Variants in VSTM2A observed in about 807,000 individuals in gnomAD.
VSTM2A encodes the protein V-set and transmembrane domain containing 2A.
A neutral mutation model predicts 27.3 loss-of-function variants in VSTM2A; 13 were observed. The ratio of observed to expected loss-of-function variants is 0.48; its 90% CI spans 0.31 to 0.76. The LOEUF (loss-of-function observed/expected upper bound fraction) is 0.76, where lower values mean the gene tolerates loss of function less well. Ranked by LOEUF, VSTM2A falls within the 30% of genes least tolerant of loss-of-function variation. The pLI, the probability that VSTM2A is intolerant of heterozygous loss-of-function variation, is 0.05. For synonymous variants in VSTM2A, 142 were observed against 125.7 expected, an observed-to-expected ratio of 1.13 and a Z score of -0.87; for missense variants, 280 against 310.0, an observed-to-expected ratio of 0.90 and a Z score of 0.73.
At chr7:54,550,523 T>C in intron 4 of VSTM2A, 1 of 391,690 alleles carries the variant, frequency 2.6e-6, no homozygotes, top group Non-Finnish European at 4.4e-6. Context: ...GTATCGATAA[T>C]GACCCAAATT....
In VSTM2A at chr7:54,547,089, G is replaced by T. The variant is rs1042569641; in HGVS notation, c.297+92G>T. The T allele has an allele frequency of 2.1e-6, 3 of 1,410,084 alleles. No individual in the cohort carries two copies. The East Asian group carries it at 8.1e-5, about 38-fold the overall frequency. The allele number at this position is 1,410,084 out of a possible 1,614,324, so 87.3% of individuals were successfully genotyped here. ...AGAAGGCGGCTTGCCAGCGCTGCAG[G>T]ACAGCCGGACAGCCGGGTGCCCCTT... is the stretch of plus-strand genomic sequence containing the variant. On this transcript the variant is annotated intron_variant, in intron 3 of 4. Coordinates refer to ENST00000402613, the MANE Select transcript of VSTM2A (RefSeq NM_001301009.2).
chr7:54,566,645 C>T (rs1788732910), intron 4 of VSTM2A, among the ~76,000 whole-genome samples: 1 of 152,164 alleles, frequency 6.6e-6, no homozygotes, highest in South Asian at 2.1e-4. Flanking sequence ...ACAAAATAGG[C>T]AATCCTATCA....
chr7:54,563,955 G>A lies in VSTM2A; in HGVS notation c.635-5176G>A, dbSNP rs527795382. Among the ~76,000 whole-genome samples the A allele has an allele frequency of 2.6e-5, 4 of 152,276 alleles. No individual in the cohort carries two copies. In the South Asian group the frequency reaches 6.2e-4, roughly 24 times the overall value. ...ATGGGATAAAATCATTCTATTATTTGACCTTTCCCCTTAAACAGTGATTTA... is the reference window on the plus strand; with the variant it reads ...ATGGGATAAAATCATTCTATTATTTAACCTTTCCCCTTAAACAGTGATTTA... On this transcript the variant is annotated intron_variant, in intron 4 of 4. Coordinates refer to ENST00000402613, the MANE Select transcript of VSTM2A (RefSeq NM_001301009.2).
chr7:54,546,839 C>CCTGGTCGCTCCCCTGTCCA, intron 2 of VSTM2A, 108 bp from the exon 3 acceptor site: 1 of 1,478,604 alleles, frequency 6.8e-7, no homozygotes. Context: ...TCCCCTGTCC[C>CCTGGTCGCTCCCCTGTCCA]CAGGTCACCC....
At position 54,561,658 on chromosome 7, in the gene VSTM2A, C is replaced by T. The variant is rs528400274; in HGVS notation, c.635-7473C>T. ...TTAATGCTGATAGCTAAGAAGATAA[C>T]TTCTACTAATGAAGATAATTAATAA... On this transcript the variant is annotated intron_variant, in intron 4 of 4. Transcript: ENST00000402613. Among the ~76,000 whole-genome samples the T allele has an allele frequency of 2.0e-5, 3 of 152,190 alleles. No homozygotes were observed. The South Asian group carries it at 6.2e-4, about 32-fold the overall frequency.
intron 3 of VSTM2A, 25 bp downstream of exon 3, chr7:54,547,022 C>A (rs1431977163): frequency 6.4e-7 from 1 of 1,568,668 alleles, no homozygotes. Context: ...CGCCAAGGGC[C>A]GCGGGCCCAG....
intron 3 of VSTM2A, among the ~76,000 whole-genome samples, chr7:54,549,337 T>C (rs1012864549): frequency 6.6e-6 from 1 of 152,202 alleles, no homozygotes; most frequent in Non-Finnish European, 1.5e-5. Flanking sequence ...TAATAGCACC[T>C]TTAGTAGTCA....
At chr7:54,554,162 G>C in intron 4 of VSTM2A, 1 of 1,508,918 alleles carries the variant, frequency 6.6e-7, no homozygotes, top group Middle Eastern at 1.9e-4. Context: ...CTCACATCTC[G>C]TCCTTCCCAG....
chr7:54,551,235 T>A (rs985433652), intron 4 of VSTM2A: 3 of 152,094 alleles, frequency 2.0e-5, no homozygotes, highest in Non-Finnish European at 4.4e-5. Context: ...TATATATACA[T>A]GTAGAAATAC....
intron 3 of VSTM2A, among the ~76,000 whole-genome samples, chr7:54,547,353 A>T (rs1409703378): frequency 1.3e-5 from 2 of 152,238 alleles, no homozygotes; most frequent in Non-Finnish European, 2.9e-5. Context: ...AAACAGTAAC[A>T]TAGGAAAATA....
At chr7:54,564,131 T>G (rs1788648860) in intron 4 of VSTM2A, among the ~76,000 whole-genome samples, 1 of 152,212 alleles carries the variant, frequency 6.6e-6, no homozygotes, top group Non-Finnish European at 1.5e-5. Context: ...CACTCAGTTC[T>G]TCATAAGCTG....
intron 2 of VSTM2A, among the ~76,000 whole-genome samples, chr7:54,545,578 A>G: frequency 1.6e-5 from 1 of 64,092 alleles, no homozygotes; most frequent in African/African-American, 6.6e-5. Flanking sequence ...GAGAGGGAGA[A>G]AGAAGGGGGA....
rs377595742 is a variant in VSTM2A, at chr7:54,570,601, T to A, written c.*1382T>A. The stretch of plus-strand genomic sequence containing the variant: ...CAGTTTTCACTGGTTAAGTGAATTA[T>A]AATTTTAAATATTCCATTCTTATTT... On this transcript the variant is annotated 3_prime_UTR_variant, in exon 5 of 5. Coordinates refer to ENST00000402613, the MANE Select transcript of VSTM2A (RefSeq NM_001301009.2). 4.6e-5 allele frequency: 7 copies of A among 152,358 alleles called. No individual in the cohort carries two copies. In the East Asian group the frequency reaches 1.3e-3, roughly 29 times the overall value. The allele number at this position is 152,358 out of a possible 1,614,324, so 9.4% of individuals were successfully genotyped here.
In VSTM2A at chr7:54,564,587, A is replaced by G. The variant is rs114775492; in HGVS notation, c.635-4544A>G. 8.2e-3 allele frequency among the ~76,000 whole-genome samples: 1,248 copies of G among 152,316 alleles called. 22 individuals carry two copies. The highest frequency in any genetic ancestry group is 0.028 in the African/African-American group (1,183 of 41,566). ...TAGTTTTCTCCACTCAGCGCCTTGA[A>G]TTAAATACCCACATCCTCTTCTGGG... On this transcript the variant is annotated intron_variant, in intron 4 of 4. Coordinates refer to ENST00000402613, the MANE Select transcript of VSTM2A (RefSeq NM_001301009.2).
chr7:54,549,769 G>A (rs1343484999), intron 3 of VSTM2A, 65 bp from the exon 4 acceptor site: 5 of 1,433,832 alleles, frequency 3.5e-6, no homozygotes, highest in Non-Finnish European at 4.7e-6. Flanking sequence ...CAAGCTCAGG[G>A]TAAAAAATGG....
At chr7:54,563,228 G>A (rs1788616773) in intron 4 of VSTM2A, among the ~76,000 whole-genome samples, 1 of 152,096 alleles carries the variant, frequency 6.6e-6, no homozygotes, top group African/African-American at 2.4e-5. Flanking sequence ...GCAAATATTT[G>A]TACCATCTTA....
Position 54,570,730 on chromosome 7 carries a change from A to G in VSTM2A, c.*1511A>G, listed in dbSNP as rs1290496581. 2 of 152,188 alleles carry G rather than the reference A, an allele frequency of 1.3e-5. No individual in the cohort carries two copies. The highest frequency in any genetic ancestry group is 2.9e-5 in the Non-Finnish European group (2 of 68,014). 9.4% of individuals were successfully genotyped at this position (152,188 alleles called of 1,614,324 possible). On this transcript the variant is annotated 3_prime_UTR_variant, in exon 5 of 5. Coordinates refer to ENST00000402613, the MANE Select transcript of VSTM2A (RefSeq NM_001301009.2). ...GTGTTCCATATACATTATGGAATAGATAAAGCTTGAGAGATAAATGACCTA... is the reference window on the plus strand; with the variant it reads ...GTGTTCCATATACATTATGGAATAGGTAAAGCTTGAGAGATAAATGACCTA...
intron 4 of VSTM2A, chr7:54,553,957 A>T (rs1014823619): frequency 1.3e-6 from 2 of 1,551,312 alleles, no homozygotes; most frequent in African/African-American, 2.7e-5. Context: ...TTTTCTACTG[A>T]CCCCCTTCCC....
intron 4 of VSTM2A, among the ~76,000 whole-genome samples, chr7:54,566,156 G>A (rs1258394625): frequency 1.3e-5 from 2 of 152,312 alleles, no homozygotes; most frequent in East Asian, 1.9e-4. Flanking sequence ...GTCGAAGGAC[G>A]TTATGAAATG....
Sources: allele counts gnomAD v4.1 joint callset (sites outside exome capture counted in the v4.1 genomes callset), GRCh38; gene constraint gnomAD v4.1.1; transcripts MANE v1.5; gene names NCBI Gene and HGNC (gene_info 2026-07-23, HGNC 2026-07-21).